Variants in PCSK5 observed in about 807,000 individuals in gnomAD.
PCSK5 encodes prohormone convertase 5.
In PCSK5, 129 loss-of-function variants were observed where a neutral mutation model predicts 233.2. The observed-to-expected ratio is 0.55, with a 90% CI of 0.48 to 0.64. The LOEUF (loss-of-function observed/expected upper bound fraction) is 0.64, where lower values mean the gene tolerates loss of function less well. Among genes scored for constraint, PCSK5 ranks in the 30% least tolerant of loss-of-function variants. PCSK5 has a pLI of 0.00. For synonymous variants in PCSK5, 825 were observed against 879.2 expected, an observed-to-expected ratio of 0.94 and a Z score of 1.09; for missense variants, 2,076 against 2,430.1, an observed-to-expected ratio of 0.85 and a Z score of 3.06.
intron 1 of PCSK5, among the ~76,000 whole-genome samples, chr9:75,902,292 C>T (rs901592123): frequency 8.4e-5 from 12 of 143,012 alleles, no homozygotes; most frequent in African/African-American, 2.9e-4. Flanking sequence ...AGAGAGAAGG[C>T]GAAAGAAGAC....
chr9:76,048,629 G>A (rs1829508822), intron 5 of PCSK5, among the ~76,000 whole-genome samples: 1 of 152,176 alleles, frequency 6.6e-6, no homozygotes, highest in Admixed American at 6.5e-5. Flanking sequence ...CACTTAACCT[G>A]CAAGAATTTC....
chr9:76,160,331 T>C (rs1822799062), intron 12 of PCSK5, among the ~76,000 whole-genome samples: 1 of 152,172 alleles, frequency 6.6e-6, no homozygotes, highest in Non-Finnish European at 1.5e-5. Flanking sequence ...GAGAAAGTTG[T>C]TAGCAAGTGG....
intron 2 of PCSK5, among the ~76,000 whole-genome samples, chr9:75,970,058 C>T (rs147298741): frequency 0.015 from 2,262 of 151,820 alleles, 51 homozygotes; most frequent in African/African-American, 0.051. Context: ...TGTTTAGTAG[C>T]GATGGGGTTT....
intron 20 of PCSK5, among the ~76,000 whole-genome samples, chr9:76,223,017 G>T (rs762991297): frequency 3.9e-5 from 6 of 152,076 alleles, no homozygotes; most frequent in Non-Finnish European, 7.4e-5. Flanking sequence ...GAGTGACGAG[G>T]CACATAAATA....
chr9:76,068,973 A>G (rs1830385396), intron 6 of PCSK5, among the ~76,000 whole-genome samples: 2 of 152,192 alleles, frequency 1.3e-5, no homozygotes, highest in South Asian at 4.1e-4. Flanking sequence ...ATAAATATAG[A>G]GATTCCCTAA....
chr9:75,984,611 C>T (rs533359440), intron 2 of PCSK5, among the ~76,000 whole-genome samples: 1 of 152,224 alleles, frequency 6.6e-6, no homozygotes, highest in African/African-American at 2.4e-5. Flanking sequence ...GTGATAGGGC[C>T]TGTGTCAGAT....
At chr9:76,010,099 T>TG (rs1430610281) in intron 3 of PCSK5, among the ~76,000 whole-genome samples, 1 of 152,162 alleles carries the variant, frequency 6.6e-6, no homozygotes, top group African/African-American at 2.4e-5. Context: ...TCTTTCTACT[T>TG]GGGATACTGA....
At chr9:76,308,949 G>C (rs1828785097) in intron 29 of PCSK5, among the ~76,000 whole-genome samples, 1 of 152,184 alleles carries the variant, frequency 6.6e-6, no homozygotes. Context: ...CAGGTACAGT[G>C]GTTCACACCT....
intron 2 of PCSK5, among the ~76,000 whole-genome samples, chr9:75,938,096 G>A (rs1824140590): frequency 6.6e-6 from 1 of 152,120 alleles, no homozygotes; most frequent in African/African-American, 2.4e-5. Flanking sequence ...TCACAGCTTG[G>A]CTGTTTGGCT....
chr9:76,219,333 C>A (rs552622389), intron 20 of PCSK5, among the ~76,000 whole-genome samples: 1 of 152,048 alleles, frequency 6.6e-6, no homozygotes, highest in Admixed American at 6.5e-5. Flanking sequence ...GCAGAGAAAG[C>A]CACACTGCAG....
chr9:76,310,059 C>T (rs752304157), intron 29 of PCSK5, among the ~76,000 whole-genome samples: 31 of 151,926 alleles, frequency 2.0e-4, no homozygotes, highest in Non-Finnish European at 4.3e-4. Flanking sequence ...TCCCACCTGT[C>T]CAACATGGTG....
chr9:75,919,551 A>G (rs937144834), intron 1 of PCSK5, among the ~76,000 whole-genome samples: 1 of 152,202 alleles, frequency 6.6e-6, no homozygotes, highest in Non-Finnish European at 1.5e-5. Flanking sequence ...TATTCCCAAC[A>G]ATGTATGAGT....
chr9:76,091,971 C>T (rs943564501), intron 7 of PCSK5, among the ~76,000 whole-genome samples: 3 of 152,152 alleles, frequency 2.0e-5, no homozygotes, highest in Non-Finnish European at 4.4e-5. Flanking sequence ...GTCCTCTCAA[C>T]TCAGGACTCT....
chr9:76,309,585 C>T (rs1828803384), intron 29 of PCSK5, among the ~76,000 whole-genome samples: 1 of 151,416 alleles, frequency 6.6e-6, no homozygotes, highest in African/African-American at 2.4e-5. Flanking sequence ...TCCCAGGCTA[C>T]GTGGGAGGCT....
At chr9:76,071,111 C>T (rs929514288) in intron 6 of PCSK5, among the ~76,000 whole-genome samples, 1 of 152,014 alleles carries the variant, frequency 6.6e-6, no homozygotes, top group African/African-American at 2.4e-5. Context: ...TAGAAATATA[C>T]TTAAATGAAG....
chr9:76,251,563 CAAAA>C (rs60973474), intron 24 of PCSK5, among the ~76,000 whole-genome samples: 2 of 96,806 alleles, frequency 2.1e-5, no homozygotes, highest in African/African-American at 4.2e-5. Context: ...GACTCCGTCT[CAAAA>C]AAAAAAAAAA....
intron 2 of PCSK5, among the ~76,000 whole-genome samples, chr9:75,933,928 T>G (rs578123330): frequency 6.6e-6 from 1 of 152,324 alleles, no homozygotes; most frequent in South Asian, 2.1e-4. Context: ...TCAATGTGAA[T>G]TTGAAAAACC....
intron 1 of PCSK5, among the ~76,000 whole-genome samples, chr9:75,910,832 C>T (rs1437635455): frequency 6.6e-6 from 1 of 152,114 alleles, no homozygotes; most frequent in African/African-American, 2.4e-5. Flanking sequence ...GGACATTATG[C>T]TTTAGTTGTG....
At chr9:76,041,740 G>A (rs1311864446) in intron 5 of PCSK5, among the ~76,000 whole-genome samples, 1 of 151,680 alleles carries the variant, frequency 6.6e-6, no homozygotes, top group East Asian at 1.9e-4. Flanking sequence ...TCAGGAGGCT[G>A]AGGCAGGAGA....
Sources: allele counts gnomAD v4.1 joint callset (sites outside exome capture counted in the v4.1 genomes callset), GRCh38; gene constraint gnomAD v4.1.1; transcripts MANE v1.5; gene names NCBI Gene and HGNC (gene_info 2026-07-23, HGNC 2026-07-21).